PHC1: variants seen among roughly 807,000 people sequenced by gnomAD.
The protein encoded by PHC1 is polyhomeotic-like protein 1.
In PHC1, 12 loss-of-function variants were observed where a neutral mutation model predicts 104.3. That is an observed-to-expected ratio of 0.12 (90% CI 0.07 to 0.19). PHC1 has a LOEUF of 0.19. PHC1 is among the 10% of genes least tolerant of loss of function. The pLI is 1.00. For synonymous variants in PHC1, 302 were observed against 455.8 expected, an observed-to-expected ratio of 0.66 and a Z score of 4.30; for missense variants, 671 against 1,200.0, an observed-to-expected ratio of 0.56 and a Z score of 6.51.
At chr12:8,920,851 T>C in intron 3 of PHC1, 134 bp from the exon 4 acceptor site, 2 of 615,228 alleles carry the variant, frequency 3.3e-6, no homozygotes, top group Non-Finnish European at 5.7e-6. Flanking sequence ...TATACTTTTC[T>C]TTACCCTAAA....
In PHC1 at chr12:8,935,108, A is replaced by G. The variant is rs1461944088; in HGVS notation, c.2254-16A>G. The G allele has an allele frequency of 1.5e-5, 21 of 1,408,864 alleles. No individual in the cohort carries two copies. The highest frequency in any genetic ancestry group is 2.0e-5 in the Non-Finnish European group (20 of 1,011,332). 87.3% of individuals were successfully genotyped at this position (1,408,864 alleles called of 1,614,324 possible). A position where few individuals can be genotyped will look rare whatever the true frequency, so the allele number is the denominator to read the frequency against. On this transcript the variant is annotated splice_polypyrimidine_tract_variant and intron_variant, in intron 10 of 14. Transcript: ENST00000544916. The stretch of plus-strand genomic sequence containing the variant: ...GGGGATCAGGCTAACTTAACTCTCA[A>G]TGTTTTCTGGGACAGGTGGGTTGTT...
At chr12:8,931,128 A>G (rs1945671819) in intron 7 of PHC1, among the ~76,000 whole-genome samples, 1 of 152,020 alleles carries the variant, frequency 6.6e-6, no homozygotes, top group African/African-American at 2.4e-5. Context: ...TACAGATTTT[A>G]TCTGTTTCTA....
intron 6 of PHC1, among the ~76,000 whole-genome samples, chr12:8,923,887 A>T (rs756268044): frequency 6.6e-6 from 1 of 152,060 alleles, no homozygotes; most frequent in Admixed American, 6.6e-5. Flanking sequence ...ATAACAATAC[A>T]AGAACAAAAA....
rs878869245 is a variant in PHC1, at chr12:8,934,331, C to A, written c.2106C>A (p.Thr702=). The change falls in exon 10 of 15, where the codon ACC becomes ACA. Residue 702 remains threonine (T), a synonymous_variant. Transcript: ENST00000544916. Reference sequence around the variant, plus strand: ...CAAGCAGTGAACTAGTAGCCTTGACCCCCGCCCCTTCAGTACCGCCTCCTA... The same window carrying A: ...CAAGCAGTGAACTAGTAGCCTTGACACCCGCCCCTTCAGTACCGCCTCCTA... ...NTPSSELVAL[T]PAPSVPPPTL... 2 of 1,613,892 alleles carry A rather than the reference C, an allele frequency of 1.2e-6. No homozygotes were observed. Among genetic ancestry groups the A allele is most frequent in the South Asian group, 1.1e-5 (1 of 91,062 alleles).
intron 2 of PHC1, among the ~76,000 whole-genome samples, chr12:8,918,681 C>T (rs760552261): frequency 2.6e-5 from 4 of 152,186 alleles, no homozygotes; most frequent in East Asian, 1.9e-4. Flanking sequence ...TATTTTCACC[C>T]GATCTAGTCT....
intron 6 of PHC1, among the ~76,000 whole-genome samples, chr12:8,923,975 AT>A (rs1945443488): frequency 1.3e-5 from 2 of 152,176 alleles, no homozygotes; most frequent in South Asian, 4.1e-4. Context: ...AATAGAGGTG[AT>A]TTAAAGTGTA....
In PHC1 at chr12:8,934,284, G is replaced by A. The variant is rs1443783821; in HGVS notation, c.2059G>A (p.Ala687Thr). Residue 687 changes from alanine to threonine, a missense_variant, in exon 10 of 15, where the codon GCT becomes ACT. Physicochemically the swap from Ala to Thr is moderately conservative, Grantham distance 58. This residue lies in a region of PHC1 where 29 missense variants were observed against 78.0 expected (regional missense o/e 0.37). Transcript: ENST00000544916. ...SSLGEKAESV[A>T]NVNANTPSSE... is the part of the protein sequence containing the mutation. ...TTTTCCAGAAAAAGCTGAATCAGTG[G>A]CTAATGTGAATGCTAATACTCCAAG... 1 of 1,613,682 alleles carries A rather than the reference G, an allele frequency of 6.2e-7. No homozygotes were observed. Among genetic ancestry groups the A allele is most frequent in the African/African-American group, 1.3e-5 (1 of 74,902 alleles).
At chr12:8,914,457 C>CGT (rs1555124288), upstream of PHC1, 11 of 42,626 alleles carry the variant, frequency 2.6e-4, no homozygotes, top group Admixed American at 8.7e-4. Context: ...GGAGGGACGG[C>CGT]GGGGGGGGGG....
At position 8,921,557 on chromosome 12, in the gene PHC1, C is replaced by T. The variant is rs758831481; in HGVS notation, c.307-44C>T. The T allele has an allele frequency of 3.8e-6, 6 of 1,598,008 alleles. No individual in the cohort carries two copies. In the South Asian group the frequency reaches 6.6e-5, roughly 18 times the overall value. On this transcript the variant is annotated intron_variant, in intron 4 of 14. Transcript: ENST00000544916. ...TGTCAGTCACGTACCTTTCCTTTTA[C>T]TTCTCCCAAATCCTTAGTCCTGGTT...
At chr12:8,938,460 T>A (rs937077309) in intron 14 of PHC1, among the ~76,000 whole-genome samples, 3 of 151,620 alleles carry the variant, frequency 2.0e-5, no homozygotes, top group Non-Finnish European at 2.9e-5. Context: ...TTTTTTTTTT[T>A]AAACAGAGAC....
intron 4 of PHC1, 116 bp from the exon 5 acceptor site, chr12:8,921,485 C>A: frequency 1.1e-6 from 1 of 895,466 alleles, no homozygotes; most frequent in Non-Finnish European, 1.8e-6. Context: ...TTTCCCCCGG[C>A]TCCATGAAAG....
At position 8,937,176 on chromosome 12, in the gene PHC1, G is replaced by A; in HGVS notation, c.2478G>A (p.Arg826=). Residue 826 remains arginine (R), a splice_region_variant and synonymous_variant, in exon 13 of 15, where the codon AGG becomes AGA. Transcript: ENST00000544916. ...KRFCSMTCAK[R]YNVSCSHQFR... is the part of the protein sequence containing the mutation. ...ATCCTATATATGCCCTGTCCTGTAGGTACAATGTGAGCTGTAGCCATCAGT... is the reference window on the plus strand; with the variant it reads ...ATCCTATATATGCCCTGTCCTGTAGATACAATGTGAGCTGTAGCCATCAGT... The A allele has an allele frequency of 6.2e-7, 1 of 1,610,760 alleles. No homozygotes were observed. The highest frequency in any genetic ancestry group is 8.5e-7 in the Non-Finnish European group (1 of 1,178,346).
chr12:8,921,809 G>T (rs1296215183), intron 5 of PHC1, 59 bp downstream of exon 5: 4 of 1,479,396 alleles, frequency 2.7e-6, no homozygotes, highest in Admixed American at 2.4e-5. Flanking sequence ...CCCTGGCAAA[G>T]ACTTGAGTGA....
intron 5 of PHC1, 63 bp from the exon 6 acceptor site, chr12:8,922,570 C>T (rs1945396501): frequency 1.4e-6 from 2 of 1,411,216 alleles, no homozygotes; most frequent in East Asian, 2.5e-5. Flanking sequence ...CCTTCCTTTC[C>T]ATCTCTTCTG....
chr12:8,927,145 G>A (rs1010903914), intron 6 of PHC1, among the ~76,000 whole-genome samples: 1 of 152,226 alleles, frequency 6.6e-6, no homozygotes, highest in Non-Finnish European at 1.5e-5. Flanking sequence ...ATGCGCGCAT[G>A]CGTGGGCAGG....
intron 6 of PHC1, among the ~76,000 whole-genome samples, chr12:8,927,127 A>ATG (rs1333561300): frequency 1.3e-5 from 2 of 152,154 alleles, no homozygotes; most frequent in Non-Finnish European, 2.9e-5. Flanking sequence ...CAAGATGTGC[A>ATG]TGTGTGCATG....
At chr12:8,935,630 A>G (rs759337312) in intron 11 of PHC1, among the ~76,000 whole-genome samples, 93 of 152,326 alleles carry the variant, frequency 6.1e-4, no homozygotes, top group Middle Eastern at 3.4e-3. Flanking sequence ...CTGTCTCAAA[A>G]AAAAGTAGGA....
At position 8,934,496 on chromosome 12, in the gene PHC1, A is replaced by T; in HGVS notation, c.2253+18A>T. ...CTTTCCCGGTGAGGGCAGGGCCATA[A>T]GGTGGGACTTTGAAGTGGGGACTTG... is the stretch of plus-strand genomic sequence containing the variant. On this transcript the variant is annotated intron_variant, in intron 10 of 14. Transcript: ENST00000544916. 6.3e-7 allele frequency: 1 copy of T among 1,595,660 alleles called. No individual in the cohort carries two copies. Among genetic ancestry groups the T allele is most frequent in the Non-Finnish European group, 8.6e-7 (1 of 1,168,052 alleles).
chr12:8,934,134 A>C, intron 9 of PHC1, 122 bp downstream of exon 9: 2 of 1,338,838 alleles, frequency 1.5e-6, no homozygotes, highest in Non-Finnish European at 2.1e-6. Flanking sequence ...AAATGAATAG[A>C]TCCAAAAACA....
Sources: allele counts gnomAD v4.1 joint callset (sites outside exome capture counted in the v4.1 genomes callset), GRCh38; gene constraint gnomAD v4.1.1; regional missense constraint gnomAD v4.1.1; transcripts MANE v1.5; gene names NCBI Gene and HGNC (gene_info 2026-07-23, HGNC 2026-07-21).